Variants in STX3 observed in about 807,000 individuals in gnomAD.
STX3 encodes the protein syntaxin 3, also known as syntaxin-3.
Under a neutral mutation model 40.2 loss-of-function variants are expected in STX3, and 19 were observed. That is an observed-to-expected ratio of 0.47 (90% CI 0.33 to 0.69). STX3 has a LOEUF of 0.69. STX3 is among the 30% of genes least tolerant of loss of function. STX3 has a pLI of 0.02. For missense variants in STX3, 364 were observed against 366.7 expected (o/e 0.99, Z 0.06); for synonymous variants, 122 against 132.2 (o/e 0.92, Z 0.53).
chr11:59,797,480 C>T (rs1294282845), intron 10 of STX3, 84 bp downstream of exon 10: 46 of 1,014,446 alleles, frequency 4.5e-5, no homozygotes, highest in Admixed American at 1.4e-4. Flanking sequence ...CCTCTTCTTT[C>T]CCCCTATGAT....
At chr11:59,759,450 T>G (rs1478562023) in intron 1 of STX3, among the ~76,000 whole-genome samples, 2 of 152,118 alleles carry the variant, frequency 1.3e-5, no homozygotes, top group Non-Finnish European at 1.5e-5. Flanking sequence ...ATTGACAAAG[T>G]CCTAGTATCA....
chr11:59,795,389 CAT>C lies in STX3; in HGVS notation c.695_696del (p.Ile232ArgfsTer17). ...VENQGEMLDN[I>X]ELNVMHTVDH... ...CTTTGCAGGGTGAGATGTTAGATAA[CAT>C]AGAGTTGAATGTCATGCACACAGTG... is the stretch of plus-strand genomic sequence containing the variant. On this transcript the variant is annotated frameshift_variant, in exon 9 of 11. Coordinates refer to ENST00000337979, the MANE Select transcript of STX3 (RefSeq NM_004177.5). LOFTEE classifies it high-confidence loss of function. 6.2e-7 allele frequency: 1 copy of C among 1,613,164 alleles called. No homozygotes were observed. The highest frequency in any genetic ancestry group is 8.5e-7 in the Non-Finnish European group (1 of 1,179,704).
At position 59,803,411 on chromosome 11, in the gene STX3, T is replaced by C; in HGVS notation, c.*2587T>C. On this transcript the variant is annotated 3_prime_UTR_variant, in exon 11 of 11. Transcript: ENST00000337979. The stretch of plus-strand genomic sequence containing the variant: ...GGTGGGATTAGGTGCTAATAATGGT[T>C]AGAGAAAACTAAAGAAAGGGATGTT... 1 of 557,010 alleles carries C rather than the reference T, an allele frequency of 1.8e-6. No individual in the cohort carries two copies. 34.5% of individuals were successfully genotyped at this position (557,010 alleles called of 1,614,324 possible). A position where few individuals can be genotyped will look rare whatever the true frequency, so the allele number is the denominator to read the frequency against.
rs1013816881 is a variant in STX3 at position 59,800,935 on chromosome 11, G to A, written c.*111G>A. 2 of 1,536,198 alleles carry A rather than the reference G, an allele frequency of 1.3e-6. No individual in the cohort carries two copies. Among genetic ancestry groups the A allele is most frequent in the Non-Finnish European group, 8.7e-7 (1 of 1,146,844 alleles). On this transcript the variant is annotated 3_prime_UTR_variant, in exon 11 of 11. Coordinates refer to ENST00000337979, the MANE Select transcript of STX3 (RefSeq NM_004177.5). ...GTCTGAATGGCCTTCCTGAGAGCGA[G>A]TGCGACCCGTTCCTTTGTTTCCTTG...
At chr11:59,786,648 C>G (rs886095735) in intron 2 of STX3, among the ~76,000 whole-genome samples, 5 of 151,560 alleles carry the variant, frequency 3.3e-5, no homozygotes, top group Admixed American at 1.3e-4. Flanking sequence ...TCCTTTTTCC[C>G]CTCTCCTTCA....
chr11:59,754,610 G>A (rs1221730612), upstream of STX3: 1 of 152,264 alleles, frequency 6.6e-6, no homozygotes, highest in Non-Finnish European at 1.5e-5. Context: ...GCGAGGACGG[G>A]GAGCGCTCCA....
intron 9 of STX3, chr11:59,795,731 A>G: frequency 6.5e-7 from 1 of 1,532,902 alleles, no homozygotes; most frequent in Non-Finnish European, 8.7e-7. Flanking sequence ...CTTCATCTCA[A>G]CTGTCCTTCG....
intron 2 of STX3, among the ~76,000 whole-genome samples, chr11:59,781,941 C>T (rs939567011): frequency 5.9e-5 from 9 of 152,274 alleles, no homozygotes; most frequent in Non-Finnish European, 1.2e-4. Context: ...GTTTTCAATA[C>T]GTAAATATGC....
chr11:59,802,511 C>G lies in STX3; in HGVS notation c.*1687C>G. 1.0e-6 allele frequency: 1 copy of G among 985,826 alleles called. No homozygotes were observed. The highest frequency in any genetic ancestry group is 1.2e-6 in the Non-Finnish European group (1 of 829,932). 61.1% of individuals were successfully genotyped at this position (985,826 alleles called of 1,614,324 possible). A position where few individuals can be genotyped will look rare whatever the true frequency, so the allele number is the denominator to read the frequency against. ...ATCCTCTTGCCCATGGCTATGATGT[C>G]AGACAGTGGATGGGCTCCAGCAACA... On this transcript the variant is annotated 3_prime_UTR_variant, in exon 11 of 11. Coordinates refer to ENST00000337979, the MANE Select transcript of STX3 (RefSeq NM_004177.5).
intron 1 of STX3, among the ~76,000 whole-genome samples, chr11:59,765,621 T>G (rs1365865869): frequency 6.6e-6 from 1 of 152,102 alleles, no homozygotes; most frequent in East Asian, 1.9e-4. Context: ...CTGAGCTACA[T>G]GGTGAAACCC....
chr11:59,771,391 CGTCCCCCCACCT>C (rs1863620059), intron 1 of STX3, among the ~76,000 whole-genome samples: 1 of 122,872 alleles, frequency 8.1e-6, no homozygotes, highest in Non-Finnish European at 1.6e-5. Flanking sequence ...ATTTGCCCCC[CGTCCCCCCACCT>C]CCCCCCCCCC....
At chr11:59,773,979 A>C (rs1968799) in intron 2 of STX3, among the ~76,000 whole-genome samples, 1,563 of 8,704 alleles carry the variant, frequency 0.18, 8 homozygotes, top group African/African-American at 0.37. Context: ...CACACACACA[A>C]AAAAAAAAAA....
chr11:59,789,281 C>T (rs904930360), intron 4 of STX3: 3 of 237,664 alleles, frequency 1.3e-5, no homozygotes, highest in Non-Finnish European at 2.5e-5. Context: ...CGGAGTCTCA[C>T]TCTGTCCCCC....
At chr11:59,766,529 C>T (rs557531848) in intron 1 of STX3, among the ~76,000 whole-genome samples, 2 of 152,292 alleles carry the variant, frequency 1.3e-5, no homozygotes, top group South Asian at 2.1e-4. Flanking sequence ...CCCTGAGTAC[C>T]CTGAGTGGGG....
intron 2 of STX3, 129 bp from the exon 3 acceptor site, chr11:59,786,908 A>C (rs915828939): frequency 2.1e-5 from 15 of 717,046 alleles, no homozygotes; most frequent in Non-Finnish European, 3.6e-5. Context: ...TGAGGACTTT[A>C]AGTCATTATC....
intron 2 of STX3, among the ~76,000 whole-genome samples, chr11:59,778,868 C>G (rs1864171484): frequency 7.9e-6 from 1 of 126,988 alleles, no homozygotes. Context: ...AAGTTTCGCT[C>G]TTGTCGCCCA....
At position 59,797,266 on chromosome 11, in the gene STX3, C is replaced by G. The variant is rs1432446351; in HGVS notation, c.787-17C>G. 6.3e-7 allele frequency: 1 copy of G among 1,597,452 alleles called. No individual in the cohort carries two copies. The highest frequency in any genetic ancestry group is 1.3e-5 in the African/African-American group (1 of 74,532). ...GTTTGTAATAATGATTTGTTTTTGT[C>G]TTATTCCTCTCTCCAGAAATTGATA... On this transcript the variant is annotated splice_polypyrimidine_tract_variant and intron_variant, in intron 9 of 10. Coordinates refer to ENST00000337979, the MANE Select transcript of STX3 (RefSeq NM_004177.5).
At chr11:59,770,229 A>G (rs1483523229) in intron 1 of STX3, among the ~76,000 whole-genome samples, 1 of 141,936 alleles carries the variant, frequency 7.0e-6, no homozygotes, top group Non-Finnish European at 1.5e-5. Context: ...GTATGTGTGT[A>G]ATGTACGTGT....
intron 1 of STX3, among the ~76,000 whole-genome samples, chr11:59,767,370 TTCC>T (rs1863332728): frequency 6.6e-6 from 1 of 152,218 alleles, no homozygotes; most frequent in Non-Finnish European, 1.5e-5. Flanking sequence ...TACTGTAATG[TTCC>T]TATTACCAGA....
Sources: allele counts gnomAD v4.1 joint callset (sites outside exome capture counted in the v4.1 genomes callset), GRCh38; gene constraint gnomAD v4.1.1; transcripts MANE v1.5; gene names NCBI Gene and HGNC (gene_info 2026-07-23, HGNC 2026-07-21).